TCP11L1: variants seen among roughly 807,000 people sequenced by gnomAD.
TCP11L1 encodes t-complex 11 like 1.
Under a neutral mutation model 48.9 loss-of-function variants are expected in TCP11L1, and 28 were observed. The observed-to-expected ratio is 0.57, with a 90% CI of 0.42 to 0.78. The LOEUF (loss-of-function observed/expected upper bound fraction) is 0.78, where lower values mean the gene tolerates loss of function less well. Ranked by LOEUF, TCP11L1 falls within the 30% of genes least tolerant of loss-of-function variation. The pLI is 0.00. For missense variants in TCP11L1, 505 were observed against 613.4 expected (o/e 0.82, Z 1.87); for synonymous variants, 204 against 231.9 (o/e 0.88, Z 1.09).
At chr11:33,067,175 G>A (rs1177458922) in intron 8 of TCP11L1, among the ~76,000 whole-genome samples, 4 of 152,132 alleles carry the variant, frequency 2.6e-5, no homozygotes, top group East Asian at 3.9e-4. Context: ...TACCCAGCAC[G>A]AGTCCGCATC....
chr11:33,057,979 T>C lies in TCP11L1; in HGVS notation c.478T>C (p.Leu160=), dbSNP rs755883924. 4 of 1,614,170 alleles carry C rather than the reference T, an allele frequency of 2.5e-6. No individual in the cohort carries two copies. Among genetic ancestry groups the C allele is most frequent in the Non-Finnish European group, 3.4e-6 (4 of 1,180,028 alleles). Residue 160 remains leucine (L), a synonymous_variant, in exon 5 of 10, where the codon TTG becomes CTG. Transcript: ENST00000334274. ...TRLRNQITEV[L]DLDLIKQEAE... ...ACTGAGAAACCAGATAACAGAAGTC[T>C]TGGATCTGGATCTGATAAAGCAGGA...
chr11:33,064,624 G>A (rs1189869429), intron 7 of TCP11L1, among the ~76,000 whole-genome samples: 1 of 152,166 alleles, frequency 6.6e-6, no homozygotes. Context: ...ATTGTTCTCT[G>A]TCACTTCTAC....
At chr11:33,050,939 G>C (rs900997619) in intron 2 of TCP11L1, among the ~76,000 whole-genome samples, 1 of 151,598 alleles carries the variant, frequency 6.6e-6, no homozygotes, top group Admixed American at 6.6e-5. Flanking sequence ...TCAGCCTCCT[G>C]AGTAGCTGAG....
At position 33,039,615 on chromosome 11, in the gene TCP11L1, T is replaced by TGCCCACCCGAGTCGGGCTGGGAG. The variant is rs1182784954; in HGVS notation, c.-200_-178dup. On this transcript the variant is annotated 5_prime_UTR_variant, in exon 1 of 10. It introduces an in-frame stop codon into an upstream open reading frame of the 5' UTR. Transcript: ENST00000334274. ...GCTGAGAAGCGGCCGCTCTGACCGC[T>TGCCCACCCGAGTCGGGCTGGGAG]GCCCACCCGAGTCGGGCTGGGAGGA... The TGCCCACCCGAGTCGGGCTGGGAG allele has an allele frequency of 6.6e-6, 1 of 152,334 alleles. No homozygotes were observed. Among genetic ancestry groups the TGCCCACCCGAGTCGGGCTGGGAG allele is most frequent in the Non-Finnish European group, 1.5e-5 (1 of 68,136 alleles). 9.4% of individuals were successfully genotyped at this position (152,334 alleles called of 1,614,324 possible).
At chr11:33,068,977 T>G in intron 9 of TCP11L1, 118 bp downstream of exon 9, 1 of 1,309,268 alleles carries the variant, frequency 7.6e-7, no homozygotes, top group Admixed American at 2.5e-5. Context: ...GAGGAGATGG[T>G]GTAATGAAGC....
chr11:33,050,890 T>C (rs748220245), intron 2 of TCP11L1, among the ~76,000 whole-genome samples: 9 of 152,112 alleles, frequency 5.9e-5, no homozygotes, highest in Admixed American at 3.3e-4. Flanking sequence ...CATGGCTCAC[T>C]GCAACTTCTG....
intron 6 of TCP11L1, among the ~76,000 whole-genome samples, chr11:33,060,488 C>T (rs377209931): frequency 2.1e-4 from 32 of 152,216 alleles, no homozygotes; most frequent in East Asian, 1.5e-3. Flanking sequence ...TGACCTTGGC[C>T]GCCCACTTGG....
Position 33,065,979 on chromosome 11 carries a change from T to G in TCP11L1, c.1122T>G (p.Ile374Met), listed in dbSNP as rs146369116. 2.9e-5 allele frequency: 47 copies of G among 1,614,080 alleles called. No individual in the cohort carries two copies. In the African/African-American group the frequency reaches 4.1e-4, roughly 14 times the overall value. The change falls in exon 8 of 10, where the codon ATT becomes ATG. Residue 374 changes from isoleucine to methionine, a missense_variant. Transcript: ENST00000334274. ...QADFAEKLKM[I>M]VKILLTDMHL... ...ACTTTGCTGAGAAACTCAAGATGAT[T>G]GTGAAGATTTTGCTAACAGATATGC...
intron 9 of TCP11L1, 107 bp from the exon 10 acceptor site, chr11:33,072,367 G>A (rs1483130680): frequency 1.0e-5 from 12 of 1,149,188 alleles, no homozygotes; most frequent in East Asian, 2.3e-5. Context: ...AGTATTGATC[G>A]GGGACAACTT....
chr11:33,061,399 A>G (rs1854461696), intron 6 of TCP11L1, 131 bp from the exon 7 acceptor site: 6 of 930,480 alleles, frequency 6.4e-6, no homozygotes, highest in Middle Eastern at 3.5e-4. Context: ...ATTTGATCCA[A>G]GTTTTATTTG....
rs962581773 is a variant in TCP11L1 at position 33,073,219 on chromosome 11, C to T, written c.*543C>T. On this transcript the variant is annotated 3_prime_UTR_variant, in exon 10 of 10. Transcript: ENST00000334274. ...CTGGCCTAGCCAGGGCTCCCAAGCCCTTTTTTCTAGAGGAGAGTTATTTGT... is the reference window on the plus strand; with the variant it reads ...CTGGCCTAGCCAGGGCTCCCAAGCCTTTTTTTCTAGAGGAGAGTTATTTGT... 1.3e-5 allele frequency: 2 copies of T among 152,584 alleles called. No homozygotes were observed. Among genetic ancestry groups the T allele is most frequent in the Non-Finnish European group, 2.9e-5 (2 of 68,488 alleles). The allele number at this position is 152,584 out of a possible 1,614,324, so 9.5% of individuals were successfully genotyped here. A position where few individuals can be genotyped will look rare whatever the true frequency, so the allele number is the denominator to read the frequency against.
intron 2 of TCP11L1, among the ~76,000 whole-genome samples, chr11:33,049,560 G>C (rs887482124): frequency 6.6e-6 from 1 of 152,138 alleles, no homozygotes; most frequent in African/African-American, 2.4e-5. Context: ...ATAGTGGGGA[G>C]AGGGTCAGCA....
At chr11:33,072,359 T>A in intron 9 of TCP11L1, 115 bp from the exon 10 acceptor site, 1 of 1,022,442 alleles carries the variant, frequency 9.8e-7, no homozygotes, top group Admixed American at 1.8e-5. Context: ...GGTCTGGGAG[T>A]ATTGATCGGG....
Position 33,072,782 on chromosome 11 carries a change from C to A in TCP11L1, c.*106C>A. The stretch of plus-strand genomic sequence containing the variant: ...GGCTATATAGTACATGTCTATTTAA[C>A]AGCACCGATTCCAAAGGGAAGAATA... On this transcript the variant is annotated 3_prime_UTR_variant, in exon 10 of 10. Coordinates refer to ENST00000334274, the MANE Select transcript of TCP11L1 (RefSeq NM_018393.4). 1 of 1,207,088 alleles carries A rather than the reference C, an allele frequency of 8.3e-7. No individual in the cohort carries two copies. The highest frequency in any genetic ancestry group is 1.2e-6 in the Non-Finnish European group (1 of 836,746). 74.8% of individuals were successfully genotyped at this position (1,207,088 alleles called of 1,614,324 possible).
At chr11:33,070,787 A>G (rs927744738) in intron 9 of TCP11L1, among the ~76,000 whole-genome samples, 1 of 151,358 alleles carries the variant, frequency 6.6e-6, no homozygotes, top group African/African-American at 2.4e-5. Flanking sequence ...AGATTACCTG[A>G]GGTCAGGAGT....
chr11:33,045,798 C>G (rs142220658), intron 2 of TCP11L1, among the ~76,000 whole-genome samples: 2 of 152,112 alleles, frequency 1.3e-5, no homozygotes, highest in African/African-American at 2.4e-5. Context: ...GCGAAGGCCC[C>G]GAGCTCTGGA....
intron 6 of TCP11L1, 84 bp from the exon 7 acceptor site, chr11:33,061,446 C>T: frequency 7.6e-7 from 1 of 1,313,718 alleles, no homozygotes; most frequent in Non-Finnish European, 1.0e-6. Context: ...ATCACTCCAC[C>T]AGGACATCGA....
rs2133689782 is a variant in TCP11L1 at position 33,043,842 on chromosome 11, A to G, written c.69A>G (p.Glu23=). ...AATCAAAATCCAATGATTCTGAGGA[A>G]GGCCTCGAAGATGCTGTGGAAGGTG... ...AGKSKSNDSE[E]GLEDAVEGAD... is the part of the protein sequence containing the mutation. Residue 23 remains glutamate (E), a synonymous_variant, in exon 2 of 10, where the codon GAA becomes GAG. Transcript: ENST00000334274. 1 of 1,614,042 alleles carries G rather than the reference A, an allele frequency of 6.2e-7. No homozygotes were observed. Among genetic ancestry groups the G allele is most frequent in the Non-Finnish European group, 8.5e-7 (1 of 1,179,952 alleles).
chr11:33,042,890 G>A (rs1387446138), intron 1 of TCP11L1, among the ~76,000 whole-genome samples: 1 of 152,092 alleles, frequency 6.6e-6, no homozygotes, highest in Non-Finnish European at 1.5e-5. Context: ...ACATGGTGAA[G>A]CCCCATCTCT....
Sources: gnomAD v4.1 joint callset for allele counts (sites outside exome capture counted in the v4.1 genomes callset) on GRCh38, gnomAD v4.1.1 for gene constraint, MANE v1.5 for transcripts, NCBI Gene and HGNC (gene_info 2026-07-23, HGNC 2026-07-21) for gene names.